The following R3HDM2 variants were observed in gnomAD, a reference collection of about 807,000 sequenced individuals.
R3HDM2 encodes R3H domain-containing protein 2.
Under a neutral mutation model 124.5 loss-of-function variants are expected in R3HDM2, and 38 were observed. The observed-to-expected ratio is 0.31, with a 90% CI of 0.24 to 0.40. The LOEUF is 0.40. R3HDM2 is among the 10% of genes least tolerant of loss of function. R3HDM2 has a pLI of 1.00. For synonymous variants in R3HDM2, 391 were observed against 448.0 expected, an observed-to-expected ratio of 0.87 and a Z score of 1.61; for missense variants, 869 against 1,236.9, an observed-to-expected ratio of 0.70 and a Z score of 4.46.
At chr12:57,382,013 G>T (rs766908975) in intron 2 of R3HDM2, among the ~76,000 whole-genome samples, 3 of 151,554 alleles carry the variant, frequency 2.0e-5, no homozygotes, top group Non-Finnish European at 2.9e-5. Context: ...AGAGATGGGG[G>T]TCTCCCTATG....
chr12:57,386,058 C>G (rs1174723948), intron 2 of R3HDM2, among the ~76,000 whole-genome samples: 1 of 147,982 alleles, frequency 6.8e-6, no homozygotes, highest in East Asian at 1.9e-4. Flanking sequence ...CCACATTTCT[C>G]ACCACATTTT....
rs2043244756 is a variant in R3HDM2, at chr12:57,270,063, CAG to C, written c.1345-71_1345-70del. ...CTCATGTCTTTGGCTTCAACATAGA[CAG>C]AGAGAAATAGCAATGCTTTTTACAA... On this transcript the variant is annotated intron_variant, in intron 14 of 23. Coordinates refer to ENST00000402412, the MANE Select transcript of R3HDM2 (RefSeq NM_001394031.1). 4 of 1,566,070 alleles carry C rather than the reference CAG, an allele frequency of 2.6e-6. No individual in the cohort carries two copies. In the Admixed American group the frequency reaches 6.9e-5, roughly 27 times the overall value.
At position 57,310,428 on chromosome 12, in the gene R3HDM2, TG is replaced by T; in HGVS notation, c.-1del. The T allele has an allele frequency of 6.5e-7, 1 of 1,530,688 alleles. No homozygotes were observed. The highest frequency in any genetic ancestry group is 8.8e-7 in the Non-Finnish European group (1 of 1,139,762). 94.8% of individuals were successfully genotyped at this position (1,530,688 alleles called of 1,614,324 possible). A position where few individuals can be genotyped will look rare whatever the true frequency, so the allele number is the denominator to read the frequency against. On this transcript the variant is annotated 5_prime_UTR_variant, in exon 3 of 24. Transcript: ENST00000402412. ...TCTTGAGTAGTGTTACTGTTAGACA[TG>T]TTCTTCAATAGAATACAGTGGCCTC...
chr12:57,365,265 A>G (rs79174583), intron 2 of R3HDM2, among the ~76,000 whole-genome samples: 3 of 149,584 alleles, frequency 2.0e-5, no homozygotes, highest in Non-Finnish European at 3.0e-5. Flanking sequence ...CTCTGTCTCC[A>G]AAAAAAAAGA....
chr12:57,335,250 C>T (rs2058704911), intron 2 of R3HDM2, among the ~76,000 whole-genome samples: 2 of 151,922 alleles, frequency 1.3e-5, no homozygotes, highest in Non-Finnish European at 2.9e-5. Flanking sequence ...CTCTGTCACC[C>T]AGGCTGGAGT....
chr12:57,349,569 T>G (rs986043179), intron 2 of R3HDM2, among the ~76,000 whole-genome samples: 16 of 150,768 alleles, frequency 1.1e-4, no homozygotes, highest in Admixed American at 2.0e-4. Flanking sequence ...TTTGGTTGTT[T>G]TTTTTTTTTG....
chr12:57,288,825 A>G, intron 12 of R3HDM2, 184 bp downstream of exon 12: 3 of 1,508,152 alleles, frequency 2.0e-6, no homozygotes, highest in Non-Finnish European at 2.7e-6. Flanking sequence ...AATTAAAAAT[A>G]AAAAGGAGAG....
chr12:57,283,257 T>C (rs971744836), intron 13 of R3HDM2, among the ~76,000 whole-genome samples: 6 of 152,308 alleles, frequency 3.9e-5, no homozygotes, highest in Non-Finnish European at 7.4e-5. Flanking sequence ...ATGTTCCACC[T>C]TACATGAAAA....
intron 2 of R3HDM2, among the ~76,000 whole-genome samples, chr12:57,328,074 C>CTT (rs71084742): frequency 1.4e-5 from 2 of 143,762 alleles, no homozygotes; most frequent in African/African-American, 5.1e-5. Flanking sequence ...TTCACGTTAT[C>CTT]TTTTTTTTTT....
intron 2 of R3HDM2, among the ~76,000 whole-genome samples, chr12:57,374,397 TGACCA>T (rs2063758032): frequency 6.6e-6 from 1 of 151,782 alleles, no homozygotes; most frequent in Non-Finnish European, 1.5e-5. Context: ...ATGACAAGAA[TGACCA>T]GACCAGGCCG....
In R3HDM2 at chr12:57,395,836, A is replaced by G; in HGVS notation, c.-105-18T>C. The G allele has an allele frequency of 1.0e-6, 1 of 969,822 alleles. No individual in the cohort carries two copies. The highest frequency in any genetic ancestry group is 1.2e-6 in the Non-Finnish European group (1 of 818,802). The allele number at this position is 969,822 out of a possible 1,614,324, so 60.1% of individuals were successfully genotyped here. A position where few individuals can be genotyped will look rare whatever the true frequency, so the allele number is the denominator to read the frequency against. On this transcript the variant is annotated intron_variant, in intron 1 of 23. Transcript: ENST00000402412. Reference sequence around the variant, plus strand: ...TCTAACCTCTGGGGGAGGAGGGGGAAAAAAAAAAACAAGTTAAAAGCAATT... The same window carrying G: ...TCTAACCTCTGGGGGAGGAGGGGGAGAAAAAAAAACAAGTTAAAAGCAATT...
chr12:57,305,616 G>C (rs944030777), intron 3 of R3HDM2: 13 of 398,814 alleles, frequency 3.3e-5, no homozygotes, highest in Non-Finnish European at 5.3e-5. Flanking sequence ...GCTACTGGAG[G>C]ATATGGAGAT....
At chr12:57,262,698 A>G (rs769491918) in intron 19 of R3HDM2, among the ~76,000 whole-genome samples, 1 of 152,202 alleles carries the variant, frequency 6.6e-6, no homozygotes, top group Non-Finnish European at 1.5e-5. Context: ...CCTGCTGTCT[A>G]TCTTTTCAGT....
intron 2 of R3HDM2, among the ~76,000 whole-genome samples, chr12:57,359,891 A>T (rs1171778872): frequency 6.6e-6 from 1 of 151,502 alleles, no homozygotes; most frequent in African/African-American, 2.4e-5. Context: ...TTAAAGTAAT[A>T]TATCACTTCA....
intron 2 of R3HDM2, among the ~76,000 whole-genome samples, chr12:57,369,242 C>T (rs2063023418): frequency 6.6e-6 from 1 of 152,112 alleles, no homozygotes; most frequent in Non-Finnish European, 1.5e-5. Flanking sequence ...GAATTAAGAT[C>T]TCTGGGGCAA....
At chr12:57,366,790 C>T (rs58368506) in intron 2 of R3HDM2, among the ~76,000 whole-genome samples, 1,741 of 152,162 alleles carry the variant, frequency 0.011, 30 homozygotes, top group African/African-American at 0.039. Context: ...CCCAGGTTCA[C>T]GCCATTCTGC....
intron 2 of R3HDM2, among the ~76,000 whole-genome samples, chr12:57,377,914 C>T (rs2064310385): frequency 6.6e-6 from 1 of 152,078 alleles, no homozygotes. Context: ...GTGGTAAAAC[C>T]CCATCTCTAC....
intron 19 of R3HDM2, among the ~76,000 whole-genome samples, chr12:57,262,305 T>C (rs1171289500): frequency 6.6e-6 from 1 of 152,172 alleles, no homozygotes; most frequent in Non-Finnish European, 1.5e-5. Context: ...GCTATTTCTG[T>C]ATGCATTTCA....
At chr12:57,370,307 C>T (rs912164614) in intron 2 of R3HDM2, among the ~76,000 whole-genome samples, 2 of 151,808 alleles carry the variant, frequency 1.3e-5, no homozygotes, top group African/African-American at 4.8e-5. Context: ...TTTCCTGAGG[C>T]CTCCCCAGGC....
Sources: gnomAD v4.1 joint callset for allele counts (sites outside exome capture counted in the v4.1 genomes callset) on GRCh38, gnomAD v4.1.1 for gene constraint, MANE v1.5 for transcripts, NCBI Gene and HGNC (gene_info 2026-07-23, HGNC 2026-07-21) for gene names.